Variants in SLC39A11 observed in about 807,000 individuals in gnomAD.
The protein encoded by SLC39A11 is zinc transporter ZIP11.
A neutral mutation model predicts 36.1 loss-of-function variants in SLC39A11; 33 were observed. The ratio of observed to expected loss-of-function variants is 0.91; its 90% CI spans 0.69 to 1.22. SLC39A11 has a LOEUF of 1.22. SLC39A11 is among the 50% of genes most tolerant of loss of function. The probability of loss-of-function intolerance (pLI) is 0.00; values close to 1 mark genes in which losing one functional copy is unlikely to be tolerated. For missense variants in SLC39A11, 432 were observed against 430.3 expected, an observed-to-expected ratio of 1.00 and a Z score of -0.03; for synonymous variants, 166 against 170.3, an observed-to-expected ratio of 0.97 and a Z score of 0.20.
chr17:72,784,921 G>A (rs2076455737), intron 6 of SLC39A11, among the ~76,000 whole-genome samples: 2 of 148,928 alleles, frequency 1.3e-5, no homozygotes, highest in South Asian at 2.1e-4. Context: ...GTGCAGTGGT[G>A]CAATCTTGGC....
In SLC39A11 at chr17:72,649,219, C is replaced by G. The variant is rs1384252379; in HGVS notation, c.721G>C (p.Val241Leu). The G allele has an allele frequency of 1.2e-6, 2 of 1,614,128 alleles. No individual in the cohort carries two copies. The highest frequency in any genetic ancestry group is 1.7e-5 in the Admixed American group (1 of 60,014). The change falls in exon 8 of 10, where the codon GTC (valine) becomes CTC (leucine). Residue 241 changes from valine to leucine, a missense_variant. Coordinates refer to ENST00000255559, the MANE Select transcript of SLC39A11 (RefSeq NM_139177.4). ...GIQNFPEGLA[V>L]SLPLRGAGFS... ...CCTGCCCCTCGCAAGGGAAGGCTGA[C>G]AGCCAGGCCCTCGGGGAAATTCTGG...
chr17:73,025,631 T>A (rs1241807372), intron 4 of SLC39A11, among the ~76,000 whole-genome samples: 1 of 152,020 alleles, frequency 6.6e-6, no homozygotes, highest in Admixed American at 6.5e-5. Context: ...TCCAACTGTG[T>A]AAAAATGTAT....
chr17:72,912,075 A>T (rs2083039556), intron 5 of SLC39A11, among the ~76,000 whole-genome samples: 1 of 152,138 alleles, frequency 6.6e-6, no homozygotes, highest in Non-Finnish European at 1.5e-5. Context: ...GGCATGAAAG[A>T]TGTTACCCAA....
At chr17:72,674,395 T>C (rs1394301097) in intron 7 of SLC39A11, among the ~76,000 whole-genome samples, 2 of 152,232 alleles carry the variant, frequency 1.3e-5, no homozygotes, top group African/African-American at 2.4e-5. Context: ...TTGATGGCTA[T>C]ATACTAATCC....
intron 7 of SLC39A11, among the ~76,000 whole-genome samples, chr17:72,676,085 C>T (rs2144235055): frequency 6.7e-6 from 1 of 148,624 alleles, no homozygotes; most frequent in East Asian, 2.0e-4. Flanking sequence ...CACACACACA[C>T]ACACACACAC....
intron 3 of SLC39A11, among the ~76,000 whole-genome samples, chr17:73,045,793 CA>C: frequency 6.6e-6 from 1 of 152,258 alleles, no homozygotes; most frequent in Non-Finnish European, 1.5e-5. Flanking sequence ...ACAGCAACAA[CA>C]AAAAAACACA....
At chr17:72,791,368 C>A (rs896710523) in intron 6 of SLC39A11, among the ~76,000 whole-genome samples, 1 of 152,172 alleles carries the variant, frequency 6.6e-6, no homozygotes, top group Admixed American at 6.5e-5. Context: ...AGGAGAATCG[C>A]TTGAACCTGG....
intron 3 of SLC39A11, among the ~76,000 whole-genome samples, chr17:73,053,241 C>CTTTT (rs111679659): frequency 2.6e-5 from 1 of 38,100 alleles, no homozygotes. Flanking sequence ...ATTTGATTTT[C>CTTTT]TTTTTTTTTT....
chr17:72,683,760 C>G (rs1213532277), intron 7 of SLC39A11, among the ~76,000 whole-genome samples: 1 of 152,040 alleles, frequency 6.6e-6, no homozygotes, highest in African/African-American at 2.4e-5. Context: ...GCCAAAAAAC[C>G]AAAGTGCAGC....
chr17:72,682,453 G>A (rs2071549841), intron 7 of SLC39A11, among the ~76,000 whole-genome samples: 1 of 152,214 alleles, frequency 6.6e-6, no homozygotes, highest in Non-Finnish European at 1.5e-5. Context: ...TAGGCTATCA[G>A]CAGTTAATTT....
intron 5 of SLC39A11, among the ~76,000 whole-genome samples, chr17:72,916,735 A>G (rs2083355007): frequency 1.3e-5 from 2 of 152,074 alleles, no homozygotes; most frequent in Admixed American, 1.3e-4. Flanking sequence ...GGGTCCATAT[A>G]TACCCTATTC....
intron 4 of SLC39A11, among the ~76,000 whole-genome samples, chr17:72,976,096 G>T (rs952347579): frequency 6.0e-5 from 9 of 150,576 alleles, no homozygotes; most frequent in African/African-American, 2.2e-4. Context: ...CTTGAACCTG[G>T]GAGGAGGAGG....
chr17:72,970,403 C>T (rs989285568), intron 4 of SLC39A11, among the ~76,000 whole-genome samples: 2 of 152,218 alleles, frequency 1.3e-5, no homozygotes, highest in East Asian at 1.9e-4. Flanking sequence ...GATGCAGCAA[C>T]GCTCTGCAAC....
At chr17:72,910,926 C>CA (rs199741291) in intron 5 of SLC39A11, among the ~76,000 whole-genome samples, 1,464 of 111,754 alleles carry the variant, frequency 0.013, 18 homozygotes, top group African/African-American at 0.021. Flanking sequence ...GACTCCACCT[C>CA]AAAAAAAAAA....
chr17:72,737,229 G>A (rs9897659), intron 6 of SLC39A11, among the ~76,000 whole-genome samples: 6,436 of 151,658 alleles, frequency 0.042, 186 homozygotes, highest in African/African-American at 0.085. Context: ...GGAGCCAAGA[G>A]TGTGCCACTG....
intron 4 of SLC39A11, among the ~76,000 whole-genome samples, chr17:73,022,595 T>TAAAAAAAAAA (rs10675859): frequency 3.5e-5 from 2 of 56,776 alleles, no homozygotes; most frequent in African/African-American, 7.9e-5. Context: ...AACTCCATCT[T>TAAAAAAAAAA]AAAAAAAAAA....
At chr17:73,028,936 GGTGAAA>G (rs1373079154) in intron 4 of SLC39A11, among the ~76,000 whole-genome samples, 2 of 151,738 alleles carry the variant, frequency 1.3e-5, no homozygotes, top group African/African-American at 2.4e-5. Context: ...TGGCCAACAT[GGTGAAA>G]CCCCATCTCA....
chr17:72,720,566 G>A (rs1241066231), intron 7 of SLC39A11, among the ~76,000 whole-genome samples: 1 of 152,122 alleles, frequency 6.6e-6, no homozygotes, highest in East Asian at 1.9e-4. Context: ...AAATAGAAAT[G>A]GGCTGGCCAT....
chr17:72,892,920 C>A (rs2081830435), intron 5 of SLC39A11, among the ~76,000 whole-genome samples: 1 of 152,134 alleles, frequency 6.6e-6, no homozygotes, highest in Non-Finnish European at 1.5e-5. Context: ...TTGCCAGCAT[C>A]CATGTATTTT....
Sources: allele counts gnomAD v4.1 joint callset (sites outside exome capture counted in the v4.1 genomes callset), GRCh38; gene constraint gnomAD v4.1.1; transcripts MANE v1.5; gene names NCBI Gene and HGNC (gene_info 2026-07-23, HGNC 2026-07-21).